The following ATP2A2 variants were observed in gnomAD, a reference collection of about 807,000 sequenced individuals.
ATP2A2 encodes the protein ATPase sarcoplasmic/endoplasmic reticulum Ca2+ transporting 2.
In ATP2A2, 14 loss-of-function variants were observed where a neutral mutation model predicts 109.3. The ratio of observed to expected loss-of-function variants is 0.13; its 90% CI spans 0.08 to 0.20. The LOEUF is 0.20. Ranked by LOEUF, ATP2A2 falls within the 10% of genes least tolerant of loss-of-function variation. ATP2A2 has a pLI of 1.00. For synonymous variants in ATP2A2, 506 were observed against 490.9 expected (o/e 1.03, Z -0.41); for missense variants, 657 against 1,321.6 (o/e 0.50, Z 7.80).
At chr12:110,328,567 CAAAGA>C (rs570644536) in intron 8 of ATP2A2, among the ~76,000 whole-genome samples, 133 of 152,138 alleles carry the variant, frequency 8.7e-4, no homozygotes, top group African/African-American at 2.9e-3. Flanking sequence ...GACTCCATCT[CAAAGA>C]AAAGAAAAGA....
At position 110,346,644 on chromosome 12, in the gene ATP2A2, T is replaced by C. The variant is rs1879893145; in HGVS notation, c.*174T>C. 1 of 1,463,912 alleles carries C rather than the reference T, an allele frequency of 6.8e-7. No homozygotes were observed. The highest frequency in any genetic ancestry group is 2.6e-5 in the Admixed American group (1 of 38,204). The allele number at this position is 1,463,912 out of a possible 1,614,324, so 90.7% of individuals were successfully genotyped here. On this transcript the variant is annotated 3_prime_UTR_variant, in exon 20 of 20. Coordinates refer to ENST00000539276, the MANE Select transcript of ATP2A2 (RefSeq NM_170665.4). ...ACTCCAGTGGGGCAAGATTTTCCTT[T>C]TTTATACACATAATTAAAGTGTCCA...
chr12:110,316,346 T>G (rs1876666992), intron 5 of ATP2A2, among the ~76,000 whole-genome samples: 2 of 152,246 alleles, frequency 1.3e-5, no homozygotes, highest in African/African-American at 4.8e-5. Flanking sequence ...TCTAGACTTT[T>G]ACTGGCATAG....
Position 110,339,327 on chromosome 12 carries a change from G to A in ATP2A2, c.1466G>A (p.Arg489His), listed in dbSNP as rs1879135915. The A allele has an allele frequency of 6.2e-7, 1 of 1,613,950 alleles. No individual in the cohort carries two copies. Among genetic ancestry groups the A allele is most frequent in the South Asian group, 1.1e-5 (1 of 91,068 alleles). The part of the protein sequence containing the change: ...MKKEFTLEFS[R>H]DRKSMSVYCT... ...AAGGAATTCACTCTAGAGTTTTCACGTGACAGAAAGTCAATGTCGGTTTAC... is the reference window on the plus strand; with the variant it reads ...AAGGAATTCACTCTAGAGTTTTCACATGACAGAAAGTCAATGTCGGTTTAC... The change falls in exon 12 of 20, where the codon CGT becomes CAT. Residue 489 changes from arginine to histidine, a missense_variant. Arg to His is a conservative substitution (Grantham distance 29, BLOSUM62 0). Coordinates refer to ENST00000539276, the MANE Select transcript of ATP2A2 (RefSeq NM_170665.4). This position sits in a 1 kb window ranked among gnomAD's most constrained non-coding sequence, Gnocchi z 4.4.
At chr12:110,333,913 A>G in intron 10 of ATP2A2, 99 bp from the exon 11 acceptor site, 1 of 1,537,350 alleles carries the variant, frequency 6.5e-7, no homozygotes, top group Non-Finnish European at 8.9e-7. Context: ...GTGTTGTAAT[A>G]GAGGACAGAT....
In ATP2A2 at chr12:110,349,807, C is replaced by G; in HGVS notation, c.*3337C>G. 1 of 1,024,438 alleles carries G rather than the reference C, an allele frequency of 9.8e-7. No homozygotes were observed. Among genetic ancestry groups the G allele is most frequent in the Non-Finnish European group, 1.2e-6 (1 of 852,682 alleles). 63.5% of individuals were successfully genotyped at this position (1,024,438 alleles called of 1,614,324 possible). On this transcript the variant is annotated 3_prime_UTR_variant, in exon 20 of 20. Transcript: ENST00000539276. Reference sequence around the variant, plus strand: ...CAGTTAGCAAGAAGGGTAGGCTTCACCCTCCTTTACTGAGGAGAATGATGC... The same window carrying G: ...CAGTTAGCAAGAAGGGTAGGCTTCAGCCTCCTTTACTGAGGAGAATGATGC...
At chr12:110,341,029 C>T in intron 14 of ATP2A2, 35 bp downstream of exon 14, 1 of 1,607,710 alleles carries the variant, frequency 6.2e-7, no homozygotes, top group Middle Eastern at 1.7e-4. Flanking sequence ...GTGACTCAGG[C>T]TACACAAGCA....
Position 110,339,637 on chromosome 12 carries a change from A to T in ATP2A2, c.1677A>T (p.Arg559=). Residue 559 remains arginine (R), a synonymous_variant, in exon 13 of 20, where the codon CGA becomes CGT. Coordinates refer to ENST00000539276, the MANE Select transcript of ATP2A2 (RefSeq NM_170665.4). This position sits in a 1 kb window ranked among gnomAD's most constrained non-coding sequence, Gnocchi z 4.4. ...GGGGTAGTGGCAGCGACACACTGCG[A>T]TGCCTGGCCCTGGCCACTCATGACA... ...REWGSGSDTL[R]CLALATHDNP... is the part of the protein sequence containing the mutation. 2 of 1,614,190 alleles carry T rather than the reference A, an allele frequency of 1.2e-6. No individual in the cohort carries two copies. Among genetic ancestry groups the T allele is most frequent in the South Asian group, 2.2e-5 (2 of 91,086 alleles).
At chr12:110,345,490 C>T (rs1353384338) in intron 18 of ATP2A2, 108 bp downstream of exon 18, 1 of 1,524,644 alleles carries the variant, frequency 6.6e-7, no homozygotes, top group Non-Finnish European at 9.0e-7. Flanking sequence ...TTCTTCCCTT[C>T]CCAAAAGAAA....
intron 5 of ATP2A2, among the ~76,000 whole-genome samples, chr12:110,299,410 A>G (rs1347685774): frequency 6.6e-6 from 1 of 152,206 alleles, no homozygotes; most frequent in Non-Finnish European, 1.5e-5. Flanking sequence ...GGACAGTAAC[A>G]TTAAGAATAA....
intron 4 of ATP2A2, among the ~76,000 whole-genome samples, chr12:110,293,794 C>T (rs1873616717): frequency 6.9e-6 from 1 of 144,790 alleles, no homozygotes; most frequent in Non-Finnish European, 1.5e-5. Flanking sequence ...AGAAAGATGG[C>T]CTACTTAGAG....
At chr12:110,301,950 T>C (rs1316919563) in intron 5 of ATP2A2, among the ~76,000 whole-genome samples, 1 of 152,166 alleles carries the variant, frequency 6.6e-6, no homozygotes, top group Non-Finnish European at 1.5e-5. Flanking sequence ...GTGGTGAAGC[T>C]TTGATTATTA....
chr12:110,315,124 C>T (rs1402199979), intron 5 of ATP2A2, among the ~76,000 whole-genome samples: 1 of 152,202 alleles, frequency 6.6e-6, no homozygotes, highest in Admixed American at 6.5e-5. Context: ...CCTCAGCCTT[C>T]CAGAGTGCTG....
intron 4 of ATP2A2, among the ~76,000 whole-genome samples, chr12:110,295,545 A>G (rs2137717414): frequency 6.6e-6 from 1 of 152,304 alleles, no homozygotes; most frequent in South Asian, 2.1e-4. Flanking sequence ...TCCACCCAAC[A>G]TGATCTTGAA....
chr12:110,291,117 A>G (rs998059863), intron 3 of ATP2A2, among the ~76,000 whole-genome samples: 1 of 152,054 alleles, frequency 6.6e-6, no homozygotes, highest in Non-Finnish European at 1.5e-5. Flanking sequence ...CGTGTTGGTC[A>G]GGCTGGTCTC....
At position 110,345,269 on chromosome 12, in the gene ATP2A2, A is replaced by G. The variant is rs149324360; in HGVS notation, c.2628A>G (p.Lys876=). The G allele has an allele frequency of 1.1e-3, 1,756 of 1,614,184 alleles. 21 individuals carry two copies. The African/African-American group carries it at 0.021, about 19-fold the overall frequency. The change falls in exon 18 of 20, where the codon AAA becomes AAG. Residue 876 remains lysine, a synonymous_variant. Transcript: ENST00000539276. ...FYQLSHFLQC[K]EDNPDFEGVD... is the part of the protein sequence containing the mutation. ...TGCAGAGTCATTTCCTACAGTGTAAAGAGGACAACCCGGACTTTGAAGGCG... is the reference window on the plus strand; with the variant it reads ...TGCAGAGTCATTTCCTACAGTGTAAGGAGGACAACCCGGACTTTGAAGGCG...
chr12:110,332,573 C>T (rs2137829692), intron 8 of ATP2A2, 24 bp from the exon 9 acceptor site: 3 of 1,571,240 alleles, frequency 1.9e-6, no homozygotes, highest in Non-Finnish European at 2.6e-6. Flanking sequence ...CTTTTAAATA[C>T]TCTGATGCGC....
Position 110,336,241 on chromosome 12 carries a change from G to A in ATP2A2, c.1419+2098G>A, listed in dbSNP as rs1286650528. Among the ~76,000 whole-genome samples, 4 of 152,192 alleles carry A rather than the reference G, an allele frequency of 2.6e-5. No individual in the cohort carries two copies. In the East Asian group the frequency reaches 7.7e-4, roughly 29 times the overall value. On this transcript the variant is annotated intron_variant, in intron 11 of 19. Transcript: ENST00000539276. ...AGGGTTCCCTGGTAGAATAAGGAGC[G>A]ATGGGAAGGGGAGAGGTTCTGCCTG...
At chr12:110,294,386 A>G (rs561076909) in intron 4 of ATP2A2, among the ~76,000 whole-genome samples, 136 of 151,192 alleles carry the variant, frequency 9.0e-4, no homozygotes, top group African/African-American at 3.2e-3. Flanking sequence ...TGGTCAGGGC[A>G]TGGTAGCTCA....
chr12:110,281,550 G>A lies in ATP2A2; in HGVS notation c.-240G>A, dbSNP rs577127824. On this transcript the variant is annotated 5_prime_UTR_variant, in exon 1 of 20. Coordinates refer to ENST00000539276, the MANE Select transcript of ATP2A2 (RefSeq NM_170665.4). ...CCTCCCTTCTGGCGAGGGGAGGGAG[G>A]GTGGGTCAGGAGCCCCCAACCCGCC... The A allele has an allele frequency of 5.4e-3, 1,444 of 267,932 alleles. 6 individuals are homozygous for A. Among genetic ancestry groups the A allele is most frequent in the Non-Finnish European group, 5.1e-3 (729 of 142,392 alleles). The allele number at this position is 267,932 out of a possible 1,614,324, so 16.6% of individuals were successfully genotyped here. A position where few individuals can be genotyped will look rare whatever the true frequency, so the allele number is the denominator to read the frequency against.
Sources: allele counts gnomAD v4.1 joint callset (sites outside exome capture counted in the v4.1 genomes callset), GRCh38; gene constraint gnomAD v4.1.1; non-coding constraint Gnocchi (gnomAD v3.1); transcripts MANE v1.5; gene names NCBI Gene and HGNC (gene_info 2026-07-23, HGNC 2026-07-21).